The following ADGRA3 variants were observed in gnomAD, a reference collection of about 807,000 sequenced individuals.
ADGRA3 encodes G-protein coupled receptor 125.
A neutral mutation model predicts 119.8 loss-of-function variants in ADGRA3; 56 were observed. The observed-to-expected ratio is 0.47, with a 90% CI of 0.38 to 0.58. The LOEUF (loss-of-function observed/expected upper bound fraction) is 0.58. Among genes scored for constraint, ADGRA3 ranks in the 20% least tolerant of loss-of-function variants. The probability of loss-of-function intolerance (pLI) is 0.00; values close to 1 mark genes in which losing one functional copy is unlikely to be tolerated. For missense variants in ADGRA3, 1,516 were observed against 1,649.0 expected (o/e 0.92, Z 1.40); for synonymous variants, 607 against 623.8 (o/e 0.97, Z 0.40).
chr4:22,414,411 ACT>A (rs2109025424), intron 12 of ADGRA3: 1 of 468,934 alleles, frequency 2.1e-6, no homozygotes, highest in African/African-American at 2.0e-5. Context: ...CTGACTGATC[ACT>A]GAATTTTTTC....
chr4:22,436,611 T>C lies in ADGRA3; in HGVS notation c.1116A>G (p.Ala372=), dbSNP rs778919898. The change falls in exon 9 of 19, where the codon GCA becomes GCG. Residue 372 remains alanine, a synonymous_variant. Transcript: ENST00000334304. The stretch of plus-strand genomic sequence containing the variant: ...GGGTGTTCCGCGTACACTGCAGATA[T>C]GCAGTAATGCCTGCCAATGTTCTGG... ...RWPRTLAGIT[A]YLQCTRNTHG... 2.5e-6 allele frequency: 4 copies of C among 1,614,096 alleles called. No individual in the cohort carries two copies. The highest frequency in any genetic ancestry group is 1.1e-5 in the South Asian group (1 of 91,088).
At chr4:22,432,415 CA>C (rs1716219770) in intron 10 of ADGRA3, among the ~76,000 whole-genome samples, 1 of 88,392 alleles carries the variant, frequency 1.1e-5, no homozygotes. Flanking sequence ...AAAAGTCTGG[CA>C]AGTAAGATCA....
chr4:22,421,577 G>A, intron 11 of ADGRA3, among the ~76,000 whole-genome samples: 1 of 152,204 alleles, frequency 6.6e-6, no homozygotes, highest in Middle Eastern at 3.4e-3. Flanking sequence ...TTTGCATTAA[G>A]TTTCACCAAT....
intron 14 of ADGRA3, among the ~76,000 whole-genome samples, chr4:22,408,299 G>A (rs1289470877): frequency 1.3e-5 from 2 of 151,564 alleles, no homozygotes; most frequent in Admixed American, 6.6e-5. Flanking sequence ...CCAAGAAATT[G>A]TACTTCAGAA....
chr4:22,388,596 C>G lies in ADGRA3; in HGVS notation c.3075G>C (p.Leu1025Phe), dbSNP rs760611198. The G allele has an allele frequency of 6.2e-7, 1 of 1,613,986 alleles. No individual in the cohort carries two copies. Among genetic ancestry groups the G allele is most frequent in the Admixed American group, 1.7e-5 (1 of 60,010 alleles). The stretch of plus-strand genomic sequence containing the variant: ...TGGCTCCAAAAACGAAGCTAAAAAC[C>G]AAGTCCAAAGGGTAATACAAAGAAA... ...LAVSLYYPLDLVFSFVFGATS... is the reference protein window; with the variant it reads ...LAVSLYYPLDFVFSFVFGATS... Residue 1025 changes from leucine (L) to phenylalanine (F), a missense_variant, in exon 19 of 19, where the codon TTG becomes TTC. By Grantham distance (22) the Leu-to-Phe change is conservative (BLOSUM62 0). This residue lies in a region of ADGRA3 where 1,088 missense variants were observed against 1,107.1 expected (regional missense o/e 0.98). Transcript: ENST00000334304.
chr4:22,493,003 T>A (rs1053504397), intron 1 of ADGRA3, among the ~76,000 whole-genome samples: 2 of 4,728 alleles, frequency 4.2e-4, no homozygotes, highest in Non-Finnish European at 0.037. Flanking sequence ...TTTCACTCTG[T>A]CACCCAGGTG....
At chr4:22,494,776 T>C (rs1224736306) in intron 1 of ADGRA3, among the ~76,000 whole-genome samples, 1 of 152,054 alleles carries the variant, frequency 6.6e-6, no homozygotes, top group Non-Finnish European at 1.5e-5. Flanking sequence ...AGATTATTTT[T>C]AGTTATTTTT....
At chr4:22,396,618 C>T (rs577696148) in intron 16 of ADGRA3, among the ~76,000 whole-genome samples, 15 of 152,230 alleles carry the variant, frequency 9.9e-5, no homozygotes, top group East Asian at 1.9e-4. Context: ...ACTCTGCTCT[C>T]GGCCGGTGAT....
chr4:22,401,381 T>A (rs374014447), intron 16 of ADGRA3, 50 bp downstream of exon 16: 1 of 1,480,526 alleles, frequency 6.8e-7, no homozygotes, highest in Non-Finnish European at 9.1e-7. Flanking sequence ...AATGAAATTA[T>A]CTTCTAATAC....
intron 4 of ADGRA3, among the ~76,000 whole-genome samples, chr4:22,450,947 A>ATATATAT (rs1372386036): frequency 2.2e-4 from 30 of 134,278 alleles, no homozygotes; most frequent in African/African-American, 8.4e-4. Flanking sequence ...AAAAAAAAAA[A>ATATATAT]AAAAATATAT....
intron 2 of ADGRA3, among the ~76,000 whole-genome samples, chr4:22,465,499 T>G (rs978296128): frequency 2.6e-5 from 4 of 152,098 alleles, no homozygotes; most frequent in African/African-American, 7.2e-5. Flanking sequence ...AGCCAACAGA[T>G]GGGAAACGAG....
At chr4:22,415,407 T>C (rs1715388162) in intron 12 of ADGRA3, among the ~76,000 whole-genome samples, 2 of 152,158 alleles carry the variant, frequency 1.3e-5, no homozygotes, top group Admixed American at 1.3e-4. Context: ...AGTAGAAATA[T>C]TTTGAGAAGA....
chr4:22,445,265 C>A, intron 5 of ADGRA3, 132 bp from the exon 6 acceptor site: 1 of 730,460 alleles, frequency 1.4e-6, no homozygotes, highest in Non-Finnish European at 2.3e-6. Context: ...TACATTTCAT[C>A]AACTAGCTAC....
chr4:22,510,547 C>G (rs1002914474), intron 1 of ADGRA3, among the ~76,000 whole-genome samples: 1 of 151,980 alleles, frequency 6.6e-6, no homozygotes, highest in Non-Finnish European at 1.5e-5. Flanking sequence ...GCACTCTCTC[C>G]TAACTGACCC....
intron 1 of ADGRA3, among the ~76,000 whole-genome samples, chr4:22,486,100 C>T (rs1356395363): frequency 1.3e-5 from 2 of 152,178 alleles, no homozygotes; most frequent in African/African-American, 4.8e-5. Context: ...TCAATCTGAT[C>T]CCATCTGCTT....
At chr4:22,446,657 G>C (rs903724265) in intron 5 of ADGRA3, among the ~76,000 whole-genome samples, 1 of 151,988 alleles carries the variant, frequency 6.6e-6, no homozygotes, top group Non-Finnish European at 1.5e-5. Context: ...GACGGGTGCA[G>C]GAAAGGAACA....
At chr4:22,417,493 T>C (rs1351638294) in intron 12 of ADGRA3, among the ~76,000 whole-genome samples, 1 of 152,068 alleles carries the variant, frequency 6.6e-6, no homozygotes, top group Non-Finnish European at 1.5e-5. Flanking sequence ...ACCCTTCGAG[T>C]TAAGGACCAT....
At chr4:22,457,047 C>T (rs1266007484) in intron 3 of ADGRA3, among the ~76,000 whole-genome samples, 1 of 152,118 alleles carries the variant, frequency 6.6e-6, no homozygotes, top group East Asian at 1.9e-4. Context: ...AATCTTGTCT[C>T]AATTCTGAGC....
intron 4 of ADGRA3, among the ~76,000 whole-genome samples, chr4:22,450,389 C>T (rs1385325325): frequency 1.3e-5 from 2 of 151,972 alleles, no homozygotes; most frequent in African/African-American, 2.4e-5. Flanking sequence ...CCTCAGCCTC[C>T]GGAGTAGCTG....
Sources: gnomAD v4.1 joint callset for allele counts (sites outside exome capture counted in the v4.1 genomes callset) on GRCh38, gnomAD v4.1.1 for gene constraint, gnomAD v4.1.1 regional missense constraint, MANE v1.5 for transcripts, NCBI Gene and HGNC (gene_info 2026-07-23, HGNC 2026-07-21) for gene names.